The following ZNF407 variants were observed in gnomAD, a reference collection of about 807,000 sequenced individuals.
ZNF407 encodes zinc finger protein 407.
Under a neutral mutation model 131.2 loss-of-function variants are expected in ZNF407, and 17 were observed. That is an observed-to-expected ratio of 0.13 (90% confidence interval 0.09 to 0.19). ZNF407 has a LOEUF of 0.19. Ranked by LOEUF, ZNF407 falls within the 10% of genes least tolerant of loss-of-function variation. ZNF407 has a pLI of 1.00. For synonymous variants in ZNF407, 1,156 were observed against 1,062.0 expected (o/e 1.09, Z -1.72); for missense variants, 2,681 against 2,830.6 (o/e 0.95, Z 1.20).
At chr18:74,607,308 C>G (rs537938086) in intron 1 of ZNF407, among the ~76,000 whole-genome samples, 2 of 152,178 alleles carry the variant, frequency 1.3e-5, no homozygotes, top group African/African-American at 4.8e-5. Flanking sequence ...GACCACACTT[C>G]TGTAGCCTCA....
intron 4 of ZNF407, among the ~76,000 whole-genome samples, chr18:74,875,998 G>GGT (rs1169952051): frequency 7.9e-5 from 12 of 152,116 alleles, no homozygotes; most frequent in African/African-American, 2.9e-4. Context: ...AATTTGTTAA[G>GGT]GTAATTCACA....
At chr18:74,838,703 A>G (rs1241013484) in intron 4 of ZNF407, among the ~76,000 whole-genome samples, 1 of 152,176 alleles carries the variant, frequency 6.6e-6, no homozygotes, top group African/African-American at 2.4e-5. Flanking sequence ...TATATAAAGC[A>G]TAGTTTTTTC....
chr18:74,766,235 G>A (rs952759435), intron 3 of ZNF407, among the ~76,000 whole-genome samples: 1 of 152,232 alleles, frequency 6.6e-6, no homozygotes, highest in African/African-American at 2.4e-5. Context: ...GAGGAGGGAT[G>A]TGACATGAGG....
At chr18:74,841,674 A>T (rs1305362426) in intron 4 of ZNF407, among the ~76,000 whole-genome samples, 2 of 152,250 alleles carry the variant, frequency 1.3e-5, no homozygotes, top group East Asian at 3.8e-4. Flanking sequence ...CAAGGCTTCT[A>T]TGCCAGGTAC....
intron 3 of ZNF407, among the ~76,000 whole-genome samples, chr18:74,718,210 C>A (rs903851363): frequency 3.3e-5 from 5 of 151,248 alleles, no homozygotes; most frequent in Non-Finnish European, 4.4e-5. Flanking sequence ...TTGCAGCCCC[C>A]CCCCTCCCCT....
At chr18:74,605,493 T>G (rs1243381594) in intron 1 of ZNF407, among the ~76,000 whole-genome samples, 1 of 152,190 alleles carries the variant, frequency 6.6e-6, no homozygotes, top group African/African-American at 2.4e-5. Flanking sequence ...GTCAGAACAG[T>G]ACTGCCCATG....
intron 8 of ZNF407, among the ~76,000 whole-genome samples, chr18:74,929,312 A>T (rs999230534): frequency 2.0e-5 from 3 of 152,010 alleles, no homozygotes; most frequent in Non-Finnish European, 4.4e-5. Context: ...CTCTTACCTC[A>T]TGGCAGGCAG....
chr18:74,920,736 A>T, intron 8 of ZNF407, 44 bp downstream of exon 8: 1 of 1,563,242 alleles, frequency 6.4e-7, no homozygotes, highest in Non-Finnish European at 8.7e-7. Flanking sequence ...ACAGGATTTC[A>T]TGTGATCACA....
intron 4 of ZNF407, among the ~76,000 whole-genome samples, chr18:74,794,276 C>T (rs752352294): frequency 3.2e-4 from 49 of 152,082 alleles, no homozygotes; most frequent in Admixed American, 3.2e-3. Flanking sequence ...CGTTTTGGTG[C>T]CTTAGGTTGA....
chr18:74,664,876 G>T (rs1006808304), intron 3 of ZNF407, among the ~76,000 whole-genome samples: 1 of 152,136 alleles, frequency 6.6e-6, no homozygotes, highest in Non-Finnish European at 1.5e-5. Context: ...AAGGAGCCTG[G>T]TTGATTGAGT....
chr18:74,969,406 G>A (rs549188942), intron 8 of ZNF407, among the ~76,000 whole-genome samples: 3 of 152,152 alleles, frequency 2.0e-5, no homozygotes, highest in Admixed American at 2.0e-4. Flanking sequence ...TTTAGTAGAC[G>A]TTTCCCTTGT....
At chr18:74,726,951 C>T (rs919118123) in intron 3 of ZNF407, among the ~76,000 whole-genome samples, 1 of 152,130 alleles carries the variant, frequency 6.6e-6, no homozygotes, top group East Asian at 1.9e-4. Flanking sequence ...GATAGTCAAT[C>T]TGTGGACAAG....
At chr18:74,669,394 T>TCCTATGGATCCACTACCAG (rs1384963924) in intron 3 of ZNF407, among the ~76,000 whole-genome samples, 1 of 152,114 alleles carries the variant, frequency 6.6e-6, no homozygotes, top group Non-Finnish European at 1.5e-5. Context: ...TCCTCAGTGG[T>TCCTATGGATCCACTACCAG]CCTATGGATC....
intron 4 of ZNF407, among the ~76,000 whole-genome samples, chr18:74,786,493 TG>T (rs1188448680): frequency 6.6e-6 from 1 of 151,858 alleles, no homozygotes; most frequent in Non-Finnish European, 1.5e-5. Context: ...TTCCCCATGA[TG>T]GCCAATTTAG....
chr18:74,846,164 T>C (rs1400347455), intron 4 of ZNF407, among the ~76,000 whole-genome samples: 1 of 152,182 alleles, frequency 6.6e-6, no homozygotes. Flanking sequence ...TACAATCTTA[T>C]AAATCTTAGA....
chr18:74,726,421 G>A (rs1013195239), intron 3 of ZNF407, among the ~76,000 whole-genome samples: 1 of 152,064 alleles, frequency 6.6e-6, no homozygotes, highest in African/African-American at 2.4e-5. Flanking sequence ...TACTATGCAT[G>A]GAAGGAATAA....
intron 8 of ZNF407, among the ~76,000 whole-genome samples, chr18:74,984,182 C>A (rs1972625474): frequency 6.6e-6 from 1 of 152,182 alleles, no homozygotes; most frequent in African/African-American, 2.4e-5. Context: ...TCTCTGTGTA[C>A]CTCGTTGTCC....
At chr18:74,887,519 T>C (rs1971326495) in intron 6 of ZNF407, among the ~76,000 whole-genome samples, 2 of 152,180 alleles carry the variant, frequency 1.3e-5, no homozygotes, top group Admixed American at 1.3e-4. Flanking sequence ...ATGATATCTT[T>C]ATGTCATATT....
intron 3 of ZNF407, among the ~76,000 whole-genome samples, chr18:74,723,242 T>C (rs1452355488): frequency 6.6e-6 from 1 of 152,236 alleles, no homozygotes; most frequent in African/African-American, 2.4e-5. Flanking sequence ...TATAGCATAA[T>C]AGTGGCTCTG....
Sources: allele counts gnomAD v4.1 joint callset (sites outside exome capture counted in the v4.1 genomes callset), GRCh38; gene constraint gnomAD v4.1.1; transcripts MANE v1.5; gene names NCBI Gene and HGNC (gene_info 2026-07-23, HGNC 2026-07-21).